RIMS2: variants seen among roughly 807,000 people sequenced by gnomAD.
RIMS2 encodes regulating synaptic membrane exocytosis 2.
A neutral mutation model predicts 174.4 loss-of-function variants in RIMS2; 59 were observed. That is an observed-to-expected ratio of 0.34 (90% CI 0.27 to 0.42). RIMS2 has a LOEUF of 0.42. Among genes scored for constraint, RIMS2 ranks in the 10% least tolerant of loss-of-function variants. The pLI is 1.00. For missense variants in RIMS2, 1,620 were observed against 1,666.3 expected (o/e 0.97, Z 0.48); for synonymous variants, 606 against 572.5 (o/e 1.06, Z -0.84).
chr8:104,251,901 A>AC (rs1430404361), downstream of RIMS2: 1 of 809,548 alleles, frequency 1.2e-6, no homozygotes, highest in East Asian at 2.5e-5. Context: ...CCCTGGTAAC[A>AC]CTGCATGCTT....
At chr8:104,003,887 G>A (rs984554623) in intron 17 of RIMS2, among the ~76,000 whole-genome samples, 18 of 152,126 alleles carry the variant, frequency 1.2e-4, no homozygotes, top group Non-Finnish European at 1.0e-4. Context: ...AAGCAAAAGA[G>A]AGACATGTAG....
chr8:103,912,022 A>C, intron 5 of RIMS2, 31 bp from the exon 9 acceptor site: 1 of 1,500,772 alleles, frequency 6.7e-7, no homozygotes, highest in Non-Finnish European at 9.1e-7. Flanking sequence ...TTTTGTATTT[A>C]TTTATTTTGT....
intron 17 of RIMS2, among the ~76,000 whole-genome samples, chr8:104,000,340 T>A (rs2095329997): frequency 6.6e-6 from 1 of 151,752 alleles, no homozygotes; most frequent in South Asian, 2.1e-4. Context: ...TTTAATATAA[T>A]GTCCTCCATT....
intron 1 of RIMS2, among the ~76,000 whole-genome samples, chr8:103,600,412 G>A (rs1031326371): frequency 2.0e-5 from 3 of 152,160 alleles, no homozygotes; most frequent in African/African-American, 4.8e-5. Flanking sequence ...TGGGATTACA[G>A]GCATGTGCCA....
At chr8:103,673,015 G>A (rs568753874) in intron 1 of RIMS2, among the ~76,000 whole-genome samples, 3 of 152,188 alleles carry the variant, frequency 2.0e-5, no homozygotes, top group South Asian at 4.1e-4. Context: ...AAAAGAAAGG[G>A]GCTACAGGTC....
chr8:104,145,831 A>G (rs549876364), intron 19 of RIMS2, among the ~76,000 whole-genome samples: 3 of 152,054 alleles, frequency 2.0e-5, no homozygotes, highest in Admixed American at 6.5e-5. Flanking sequence ...ATTGCACTCC[A>G]GCCTGGGCAA....
chr8:103,990,603 T>C (rs887441264), intron 17 of RIMS2, among the ~76,000 whole-genome samples: 2 of 152,038 alleles, frequency 1.3e-5, no homozygotes, highest in Admixed American at 6.5e-5. Context: ...AGGGTAACTA[T>C]GTTGGCATGA....
At chr8:103,593,240 G>T (rs2094340224) in intron 1 of RIMS2, among the ~76,000 whole-genome samples, 1 of 151,384 alleles carries the variant, frequency 6.6e-6, no homozygotes, top group Non-Finnish European at 1.5e-5. Context: ...GATCAGTGGT[G>T]ATGTTAATGA....
chr8:103,998,123 A>T, intron 17 of RIMS2: 1 of 1,225,802 alleles, frequency 8.2e-7, no homozygotes, highest in Non-Finnish European at 1.2e-6. Flanking sequence ...AAATTAAACT[A>T]TACTTTTTTT....
At chr8:103,907,921 A>G (rs2074814942) in intron 4 of RIMS2, among the ~76,000 whole-genome samples, 1 of 148,872 alleles carries the variant, frequency 6.7e-6, no homozygotes, top group Non-Finnish European at 1.5e-5. Flanking sequence ...AACTTTTTGT[A>G]TTTTTTTTAG....
chr8:103,721,722 A>G (rs879257759), intron 2 of RIMS2, among the ~76,000 whole-genome samples: 9 of 152,342 alleles, frequency 5.9e-5, no homozygotes, highest in Admixed American at 5.2e-4. Flanking sequence ...CATCCAATCT[A>G]TAACTGAAAA....
At chr8:104,223,987 C>G (rs1470733284) in intron 19 of RIMS2, among the ~76,000 whole-genome samples, 1 of 152,186 alleles carries the variant, frequency 6.6e-6, no homozygotes, top group Non-Finnish European at 1.5e-5. Context: ...TTGGAGAGCT[C>G]CACAGGCGCC....
rs397892077 is a variant in RIMS2 at position 103,834,332 on chromosome 8, C to CTTTTTT, written c.699-50952_699-50947dup. Among the ~76,000 whole-genome samples, 62 of 119,224 alleles carry CTTTTTT rather than the reference C, an allele frequency of 5.2e-4. No individual in the cohort carries two copies. In the South Asian group the frequency reaches 9.8e-3, roughly 19 times the overall value. 78.2% of individuals were successfully genotyped at this position (119,224 alleles called of 152,430 possible). On this transcript the variant is annotated intron_variant, in intron 3 of 23. Coordinates refer to ENST00000504942, the Ensembl canonical transcript of RIMS2. ...TAAAAATCTTTTCTTTTTTCTTTTT[C>CTTTTTT]TTTTTTTTTTTTTTTTTTTAAGAAA...
intron 2 of RIMS2, 28 bp from the exon 6 acceptor site, chr8:103,766,198 AT>A (rs765909452): frequency 5.3e-6 from 8 of 1,510,398 alleles, no homozygotes; most frequent in African/African-American, 1.4e-5. Context: ...GGGAACACTA[AT>A]TTTTTCCCCC....
chr8:104,005,847 T>C (rs1420184535), intron 17 of RIMS2, among the ~76,000 whole-genome samples: 3 of 151,964 alleles, frequency 2.0e-5, no homozygotes, highest in Admixed American at 6.6e-5. Flanking sequence ...ACTAGAACCC[T>C]GGTTAAAGAA....
At chr8:104,068,127 T>C (rs966080543) in intron 19 of RIMS2, among the ~76,000 whole-genome samples, 6 of 152,178 alleles carry the variant, frequency 3.9e-5, no homozygotes, top group Non-Finnish European at 8.8e-5. Context: ...ACTTATAACT[T>C]TAATACCTAT....
chr8:104,095,317 T>G (rs1439399937), intron 19 of RIMS2, among the ~76,000 whole-genome samples: 2 of 152,164 alleles, frequency 1.3e-5, no homozygotes, highest in Non-Finnish European at 2.9e-5. Context: ...CTGCAGAAGA[T>G]TACAAAGCAG....
At chr8:103,816,004 G>A (rs10808385) in intron 3 of RIMS2, among the ~76,000 whole-genome samples, 23,931 of 152,062 alleles carry the variant, frequency 0.16, 1,994 homozygotes, top group Middle Eastern at 0.24. Flanking sequence ...CAGGCTGCCC[G>A]ATGCCAAATA....
chr8:103,963,243 T>C (rs1421950727), intron 15 of RIMS2, among the ~76,000 whole-genome samples: 1 of 152,132 alleles, frequency 6.6e-6, no homozygotes, highest in Non-Finnish European at 1.5e-5. Flanking sequence ...ATGCAATGTA[T>C]ACATATACAA....
Sources: gnomAD v4.1 joint callset for allele counts (sites outside exome capture counted in the v4.1 genomes callset) on GRCh38, gnomAD v4.1.1 for gene constraint, MANE v1.5 for transcripts, NCBI Gene and HGNC (gene_info 2026-07-23, HGNC 2026-07-21) for gene names.